The following ZFP64 variants were observed in gnomAD, a reference collection of about 807,000 sequenced individuals.
ZFP64 encodes the protein ZFP64 zinc finger protein, also known as zinc finger protein 64.
Under a neutral mutation model 51.6 loss-of-function variants are expected in ZFP64, and 14 were observed. That is an observed-to-expected ratio of 0.27 (90% confidence interval 0.18 to 0.42). The LOEUF (loss-of-function observed/expected upper bound fraction) is 0.42, where lower values mean the gene tolerates loss of function less well. ZFP64 is among the 10% of genes least tolerant of loss of function. ZFP64 has a pLI of 1.00. For synonymous variants in ZFP64, 375 were observed against 361.4 expected, an observed-to-expected ratio of 1.04 and a Z score of -0.43; for missense variants, 754 against 906.8, an observed-to-expected ratio of 0.83 and a Z score of 2.16.
At chr20:52,096,507 A>G (rs1418148817) in intron 7 of ZFP64, among the ~76,000 whole-genome samples, 1 of 152,250 alleles carries the variant, frequency 6.6e-6, no homozygotes, top group Non-Finnish European at 1.5e-5. Context: ...TTCTGAAAGA[A>G]CAAACCAATA....
chr20:52,115,735 CAAG>C (rs1978829775), intron 5 of ZFP64, among the ~76,000 whole-genome samples: 1 of 151,604 alleles, frequency 6.6e-6, no homozygotes, highest in African/African-American at 2.4e-5. Flanking sequence ...ACATCTTAAG[CAAG>C]AAAAGGGGAG....
intron 2 of ZFP64, among the ~76,000 whole-genome samples, chr20:52,178,043 A>G (rs1408795474): frequency 2.0e-5 from 3 of 151,772 alleles, no homozygotes; most frequent in Non-Finnish European, 4.4e-5. Context: ...AAAAAAAAAA[A>G]AAAGAAAGAA....
chr20:52,090,190 T>G (rs2078908156), intron 7 of ZFP64, among the ~76,000 whole-genome samples: 2 of 151,922 alleles, frequency 1.3e-5, no homozygotes, highest in South Asian at 4.2e-4. Flanking sequence ...CTAAGAAGGG[T>G]GAGATCTGGA....
At chr20:52,091,502 A>G (rs2078926347) in intron 7 of ZFP64, among the ~76,000 whole-genome samples, 1 of 152,238 alleles carries the variant, frequency 6.6e-6, no homozygotes. Context: ...AATCATGGTG[A>G]AATCCATTAA....
intron 7 of ZFP64, chr20:52,088,762 A>C (rs2078890695): frequency 7.7e-7 from 1 of 1,295,866 alleles, no homozygotes; most frequent in Non-Finnish European, 1.1e-6. Context: ...AAATACTGAG[A>C]GAGAAAGATA....
chr20:52,158,083 G>A (rs1981471765), intron 5 of ZFP64, among the ~76,000 whole-genome samples: 1 of 152,158 alleles, frequency 6.6e-6, no homozygotes, highest in Non-Finnish European at 1.5e-5. Context: ...TGGGCATTTG[G>A]GTTGGTTCCA....
intron 2 of ZFP64, chr20:52,175,861 GCC>G: frequency 1.7e-5 from 4 of 238,626 alleles, no homozygotes; most frequent in Non-Finnish European, 2.4e-5. Flanking sequence ...CACCCCCGCT[GCC>G]GCCCCCGCCC....
chr20:52,165,665 T>C, intron 3 of ZFP64, 199 bp downstream of exon 3: 1 of 779,364 alleles, frequency 1.3e-6, no homozygotes, highest in East Asian at 2.7e-5. Context: ...AGAAAAGTCT[T>C]AGAACCCAGA....
In ZFP64 at chr20:52,160,705, C is replaced by G. The variant is rs1306751683; in HGVS notation, c.512-331G>C. Among the ~76,000 whole-genome samples the G allele has an allele frequency of 2.0e-5, 3 of 152,114 alleles. No individual in the cohort carries two copies. Among genetic ancestry groups the G allele is most frequent in the Non-Finnish European group, 2.9e-5 (2 of 68,024 alleles). On this transcript the variant is annotated intron_variant, in intron 4 of 5. Coordinates refer to ENST00000216923, the MANE Select transcript of ZFP64 (RefSeq NM_018197.3). The surrounding 1 kb of genome is among the most constrained non-coding windows in gnomAD (Gnocchi z 4.2). ...TTTTGTTAATTTTCCCTTGTATTCA[C>G]TCTCTCCTTTTTCCTTTTCACAACA...
intron 5 of ZFP64, among the ~76,000 whole-genome samples, chr20:52,100,328 C>G (rs948149106): frequency 1.3e-5 from 2 of 152,144 alleles, no homozygotes; most frequent in African/African-American, 4.8e-5. Flanking sequence ...TCACTGCAAC[C>G]TCTGCCTCCT....
intron 5 of ZFP64, among the ~76,000 whole-genome samples, chr20:52,135,699 G>C (rs1332974726): frequency 6.6e-6 from 1 of 151,966 alleles, no homozygotes; most frequent in African/African-American, 2.4e-5. Context: ...ATGTTGCCCA[G>C]GCTGGTCTCA....
intron 5 of ZFP64, among the ~76,000 whole-genome samples, chr20:52,122,687 GAAGTTGATTCC>G (rs1283550650): frequency 6.6e-6 from 1 of 152,118 alleles, no homozygotes; most frequent in Non-Finnish European, 1.5e-5. Flanking sequence ...GAGTTTGTAA[GAAGTTGATTCC>G]AAATGTCATC....
At chr20:52,084,288 G>A (rs1305149639) in exon 9 of ZFP64, 4 of 487,974 alleles carry the variant, frequency 8.2e-6, no homozygotes, top group African/African-American at 5.8e-5. Context: ...ATAGAGCAGG[G>A]CTTGGCAGAC....
chr20:52,152,751 G>T lies in ZFP64; in HGVS notation c.1441C>A (p.Gln481Lys). ...ACTTGGCTGGGCTGGAGGGGCACCT[G>T]GAGGTGTCCCACAGTGAGGGGCGTG... is the stretch of plus-strand genomic sequence containing the variant. ...PATPLTVGHL[Q>K]VPLQPSQVPQ... Residue 481 changes from glutamine (Q) to lysine (K), a missense_variant, in exon 6 of 6, where the codon CAG becomes AAG. Gln to Lys is a moderately conservative substitution (Grantham distance 53, BLOSUM62 1). Around this residue, in one of 3 missense-constraint regions of ZFP64, gnomAD observed 428 missense variants for 472.4 expected, o/e 0.91. Transcript: ENST00000216923. The T allele has an allele frequency of 6.3e-7, 1 of 1,591,114 alleles. No homozygotes were observed.
intron 5 of ZFP64, among the ~76,000 whole-genome samples, chr20:52,119,978 G>A (rs1979098079): frequency 6.6e-6 from 1 of 152,054 alleles, no homozygotes; most frequent in Admixed American, 6.6e-5. Context: ...CAATTCATAT[G>A]TTGAAATCCT....
intron 5 of ZFP64, chr20:52,105,086 G>A (rs1370196026): frequency 1.4e-6 from 2 of 1,400,722 alleles, no homozygotes; most frequent in East Asian, 2.8e-5. Flanking sequence ...GAACCTCTGA[G>A]CACCGGCCCC....
intron 5 of ZFP64, chr20:52,111,031 T>A: frequency 7.1e-7 from 1 of 1,413,184 alleles, no homozygotes; most frequent in Non-Finnish European, 1.0e-6. Context: ...GCGCTTGGTG[T>A]GCAGGCCGCT....
intron 2 of ZFP64, chr20:52,176,014 G>A: frequency 1.0e-6 from 1 of 979,352 alleles, no homozygotes; most frequent in Non-Finnish European, 1.2e-6. Context: ...CTGCCCTGTT[G>A]GAAGCCCTGA....
chr20:52,168,860 T>C (rs748803587), intron 2 of ZFP64, among the ~76,000 whole-genome samples: 1 of 152,228 alleles, frequency 6.6e-6, no homozygotes, highest in African/African-American at 2.4e-5. Flanking sequence ...ATACATACAG[T>C]TCCAAAATTG....
Sources: allele counts gnomAD v4.1 joint callset (sites outside exome capture counted in the v4.1 genomes callset), GRCh38; gene constraint gnomAD v4.1.1; regional missense constraint gnomAD v4.1.1; non-coding constraint Gnocchi (gnomAD v3.1); transcripts MANE v1.5; gene names NCBI Gene and HGNC (gene_info 2026-07-23, HGNC 2026-07-21).